SGCD: variants seen among roughly 807,000 people sequenced by gnomAD.
The protein encoded by SGCD is sarcoglycan delta.
A neutral mutation model predicts 36.6 loss-of-function variants in SGCD; 18 were observed. The observed-to-expected ratio is 0.49, with a 90% CI of 0.34 to 0.73. SGCD has a LOEUF of 0.73. SGCD is among the 30% of genes least tolerant of loss of function. The pLI, the probability that SGCD is intolerant of heterozygous loss-of-function variation, is 0.01. For missense variants in SGCD, 387 were observed against 346.7 expected, an observed-to-expected ratio of 1.12 and a Z score of -0.92; for synonymous variants, 133 against 130.6, an observed-to-expected ratio of 1.02 and a Z score of -0.12.
chr5:156,739,129 C>CTAAG (rs1480134071), intron 7 of SGCD, among the ~76,000 whole-genome samples: 1 of 151,268 alleles, frequency 6.6e-6, no homozygotes, highest in Non-Finnish European at 1.5e-5. Context: ...ATTTTTTTTT[C>CTAAG]TAAGTTCAGT....
chr5:155,792,526 C>G, the SGCD span, among the ~76,000 whole-genome samples: 1 of 149,490 alleles, frequency 6.7e-6, no homozygotes, highest in South Asian at 2.1e-4. Context: ...GTCTAATATC[C>G]AGAATCTACA....
chr5:156,369,718 G>T lies in SGCD; in HGVS notation c.192+25041G>T, dbSNP rs148237517. Among the ~76,000 whole-genome samples the T allele has an allele frequency of 2.5e-3, 388 of 152,230 alleles. 1 individual carries two copies. The highest frequency in any genetic ancestry group is 9.1e-3 in the African/African-American group (378 of 41,528). On this transcript the variant is annotated intron_variant, in intron 3 of 8. Transcript: ENST00000337851. ...AATCTAAATTTAGCTCTTCTGCTTT[G>T]CAAACTCCGGACAGTCAGTGTGCAG...
chr5:156,589,197 A>T (rs1391955582), intron 4 of SGCD, 34 bp from the exon 5 acceptor site: 6 of 1,432,342 alleles, frequency 4.2e-6, no homozygotes, highest in Non-Finnish European at 5.8e-6. Context: ...GAAATCTATC[A>T]TTTTCATGTC....
Position 156,757,742 on chromosome 5 carries a change from G to A in SGCD, c.699+38G>A, listed in dbSNP as rs763039536. ...AAGGACAGAAGTTCAAAGAGCTACAGCTTCAACAGGCCAACCCTTCCCATA... is the reference window on the plus strand; with the variant it reads ...AAGGACAGAAGTTCAAAGAGCTACAACTTCAACAGGCCAACCCTTCCCATA... On this transcript the variant is annotated intron_variant, in intron 8 of 8. Transcript: ENST00000337851. The A allele has an allele frequency of 1.9e-6, 3 of 1,585,396 alleles. No individual in the cohort carries two copies. In the Admixed American group the frequency reaches 5.4e-5, roughly 29 times the overall value.
At chr5:156,128,283 G>A (rs1275886083) in intron 3 of SGCD, among the ~76,000 whole-genome samples, 1 of 152,122 alleles carries the variant, frequency 6.6e-6, no homozygotes, top group Non-Finnish European at 1.5e-5. Context: ...ATACATTACT[G>A]GTAGAATTGT....
At chr5:155,763,572 C>T in the SGCD span, among the ~76,000 whole-genome samples, 1 of 152,086 alleles carries the variant, frequency 6.6e-6, no homozygotes, top group South Asian at 2.1e-4. Context: ...TAGGCGTGTT[C>T]TCAGACACAT....
chr5:156,491,616 AAAACAT>A (rs1177442768), intron 3 of SGCD, among the ~76,000 whole-genome samples: 5 of 152,120 alleles, frequency 3.3e-5, no homozygotes, highest in East Asian at 3.8e-4. Context: ...AAATTTTTTA[AAAACAT>A]AAACATAAAT....
chr5:156,438,529 G>T (rs1003162370), intron 3 of SGCD, among the ~76,000 whole-genome samples: 8 of 152,062 alleles, frequency 5.3e-5, no homozygotes, highest in Admixed American at 4.6e-4. Context: ...TGGTAGAAAA[G>T]AAACTCCACT....
chr5:156,031,198 A>T (rs1759342516), intron 1 of SGCD, among the ~76,000 whole-genome samples: 2 of 152,192 alleles, frequency 1.3e-5, no homozygotes, highest in Non-Finnish European at 2.9e-5. Context: ...CCATCCTTGG[A>T]GTTTCTGATT....
At chr5:155,764,954 A>G in the SGCD span, among the ~76,000 whole-genome samples, 4 of 152,174 alleles carry the variant, frequency 2.6e-5, no homozygotes, top group East Asian at 1.9e-4. Flanking sequence ...AGTTTTCTAT[A>G]AAAATAAACT....
chr5:156,415,319 A>C (rs1772969450), intron 3 of SGCD, among the ~76,000 whole-genome samples: 1 of 152,176 alleles, frequency 6.6e-6, no homozygotes, highest in African/African-American at 2.4e-5. Flanking sequence ...CTAGATTAGA[A>C]TGTACTCTTC....
chr5:156,650,257 T>C (rs994554931), intron 7 of SGCD, among the ~76,000 whole-genome samples: 3 of 152,152 alleles, frequency 2.0e-5, no homozygotes, highest in African/African-American at 7.2e-5. Flanking sequence ...ATAAATACTT[T>C]GTGTAGTTGG....
intron 3 of SGCD, among the ~76,000 whole-genome samples, chr5:156,316,309 A>G (rs1057052863): frequency 2.6e-5 from 4 of 152,008 alleles, no homozygotes; most frequent in Non-Finnish European, 5.9e-5. Flanking sequence ...GAAATTGAAG[A>G]AGACATAATT....
chr5:156,566,928 T>C (rs1759503201), intron 4 of SGCD, among the ~76,000 whole-genome samples: 1 of 152,164 alleles, frequency 6.6e-6, no homozygotes, highest in South Asian at 2.1e-4. Flanking sequence ...TACATACTAG[T>C]GAGTTCTAAT....
At chr5:156,024,503 A>G (rs375404997) in intron 1 of SGCD, among the ~76,000 whole-genome samples, 2 of 151,858 alleles carry the variant, frequency 1.3e-5, no homozygotes, top group South Asian at 4.2e-4. Context: ...AGCTTTCTGG[A>G]TTCTTCCTCT....
At chr5:156,442,804 T>C (rs956051951) in intron 3 of SGCD, among the ~76,000 whole-genome samples, 20 of 152,122 alleles carry the variant, frequency 1.3e-4, no homozygotes, top group Admixed American at 1.2e-3. Flanking sequence ...TGATAGAAAA[T>C]AACACAGAAA....
intron 1 of SGCD, among the ~76,000 whole-genome samples, chr5:155,878,224 T>C (rs1755805573): frequency 6.6e-6 from 1 of 152,128 alleles, no homozygotes; most frequent in Non-Finnish European, 1.5e-5. Flanking sequence ...CATCCTATAA[T>C]AAGTTTAGAG....
At chr5:156,103,359 A>G (rs1378232746) in intron 1 of SGCD, among the ~76,000 whole-genome samples, 1 of 122,534 alleles carries the variant, frequency 8.2e-6, no homozygotes, top group Admixed American at 8.1e-5. Flanking sequence ...ACATTACAAG[A>G]CATTACAAAG....
At chr5:156,313,447 C>T (rs1190946911) in intron 3 of SGCD, among the ~76,000 whole-genome samples, 2 of 151,974 alleles carry the variant, frequency 1.3e-5, no homozygotes, top group East Asian at 3.8e-4. Context: ...AAGAGAGATA[C>T]TGTCATTAAA....
Sources: gnomAD v4.1 joint callset for allele counts (sites outside exome capture counted in the v4.1 genomes callset) on GRCh38, gnomAD v4.1.1 for gene constraint, MANE v1.5 for transcripts, NCBI Gene and HGNC (gene_info 2026-07-23, HGNC 2026-07-21) for gene names.